ZBTB11: variants seen among roughly 807,000 people sequenced by gnomAD.
ZBTB11 encodes zinc finger and BTB domain-containing protein 11.
ZBTB11 carries 68 observed loss-of-function variants against 113.1 expected under a neutral mutation model. That is an observed-to-expected ratio of 0.60 (90% CI 0.49 to 0.74). The LOEUF (loss-of-function observed/expected upper bound fraction) is 0.74, where lower values mean the gene tolerates loss of function less well. Ranked by LOEUF, ZBTB11 falls within the 30% of genes least tolerant of loss-of-function variation. The pLI is 0.00. For missense variants in ZBTB11, 1,104 were observed against 1,279.4 expected, an observed-to-expected ratio of 0.86 and a Z score of 2.09; for synonymous variants, 518 against 452.6, an observed-to-expected ratio of 1.14 and a Z score of -1.83.
In ZBTB11 at chr3:101,660,002, A is replaced by G. The variant is rs993154489; in HGVS notation, c.1827T>C (p.Ser609=). 3.7e-6 allele frequency: 6 copies of G among 1,614,156 alleles called. No homozygotes were observed. Among genetic ancestry groups the G allele is most frequent in the Non-Finnish European group, 5.1e-6 (6 of 1,179,970 alleles). The change falls in exon 6 of 11, where the codon AGT becomes AGC. Residue 609 remains serine (S), a synonymous_variant. Transcript: ENST00000312938. ...CPLCKKQFQY[S]ASLRAHLIRH... The stretch of plus-strand genomic sequence containing the variant: ...GAATAAGATGTGCTCGCAAAGAGGC[A>G]CTGTACTGAAACTGTTTTTTACACA...
At chr3:101,671,426 TA>T (rs1937083518) in intron 2 of ZBTB11, 65 bp from the exon 3 acceptor site, 11 of 1,204,718 alleles carry the variant, frequency 9.1e-6, no homozygotes, top group Non-Finnish European at 1.2e-5. Context: ...TAACAAGCTT[TA>T]AAACAAGACA....
intron 3 of ZBTB11, among the ~76,000 whole-genome samples, chr3:101,669,334 T>C (rs1937048313): frequency 6.6e-6 from 1 of 152,250 alleles, no homozygotes; most frequent in South Asian, 2.1e-4. Flanking sequence ...CCTTATCTAC[T>C]TAATATTTAA....
intron 3 of ZBTB11, among the ~76,000 whole-genome samples, chr3:101,667,777 T>C (rs907110867): frequency 3.3e-5 from 5 of 152,062 alleles, no homozygotes; most frequent in Non-Finnish European, 7.4e-5. Flanking sequence ...AAATGTAAAT[T>C]AGTACACCAG....
Position 101,677,027 on chromosome 3 carries a change from C to T in ZBTB11, c.-113G>A, listed in dbSNP as rs773464606. The T allele has an allele frequency of 5.8e-5, 71 of 1,226,934 alleles. No individual in the cohort carries two copies. Among genetic ancestry groups the T allele is most frequent in the Non-Finnish European group, 7.4e-5 (67 of 910,206 alleles). 76.0% of individuals were successfully genotyped at this position (1,226,934 alleles called of 1,614,324 possible). A position where few individuals can be genotyped will look rare whatever the true frequency, so the allele number is the denominator to read the frequency against. On this transcript the variant is annotated 5_prime_UTR_variant, in exon 1 of 11. Transcript: ENST00000312938. The stretch of plus-strand genomic sequence containing the variant: ...GCACCGTAGGGAGAAACGGCTGCGC[C>T]TTTGGCGAGCGCTCTTCGACGGCTC...
At chr3:101,657,508 A>C (rs1348475320) in intron 6 of ZBTB11, among the ~76,000 whole-genome samples, 2 of 143,032 alleles carry the variant, frequency 1.4e-5, no homozygotes, top group African/African-American at 5.2e-5. Flanking sequence ...CCCTGCCTCC[A>C]AAAAAAAAAA....
chr3:101,672,099 T>C lies in ZBTB11; in HGVS notation c.425A>G (p.Asp142Gly). ...ATTACTTTCTTCTCCAGATTCAAGGTCTAGTCCCAATTCTTCCAACATTTC... is the reference window on the plus strand; with the variant it reads ...ATTACTTTCTTCTCCAGATTCAAGGCCTAGTCCCAATTCTTCCAACATTTC... Reference protein sequence around the residue: ...VSEMLEELGLDLESGEESNES... With the variant: ...VSEMLEELGLGLESGEESNES... The change falls in exon 2 of 11, where the codon GAC becomes GGC. Residue 142 changes from aspartate (D) to glycine (G), a missense_variant. Physicochemically the swap from Asp to Gly is moderately conservative, Grantham distance 94. Transcript: ENST00000312938. The C allele has an allele frequency of 6.2e-7, 1 of 1,614,186 alleles. No individual in the cohort carries two copies. The highest frequency in any genetic ancestry group is 8.5e-7 in the Non-Finnish European group (1 of 1,180,016).
intron 6 of ZBTB11, among the ~76,000 whole-genome samples, chr3:101,658,227 A>G (rs867488317): frequency 2.1e-5 from 3 of 143,402 alleles, no homozygotes; most frequent in African/African-American, 7.7e-5. Flanking sequence ...TTAAAAATTA[A>G]TTTTTTTTTT....
chr3:101,668,889 G>GTT (rs1048151959), intron 3 of ZBTB11, among the ~76,000 whole-genome samples: 9 of 146,118 alleles, frequency 6.2e-5, no homozygotes, highest in African/African-American at 2.3e-4. Context: ...GGCAAATTTT[G>GTT]TTTTTTTTTT....
In ZBTB11 at chr3:101,650,848, C is replaced by T. The variant is rs1375783595; in HGVS notation, c.*318G>A. The T allele has an allele frequency of 2.2e-5, 4 of 181,866 alleles. No homozygotes were observed. Among genetic ancestry groups the T allele is most frequent in the Non-Finnish European group, 3.4e-5 (3 of 88,338 alleles). 11.3% of individuals were successfully genotyped at this position (181,866 alleles called of 1,614,324 possible). On this transcript the variant is annotated 3_prime_UTR_variant, in exon 11 of 11. Transcript: ENST00000312938. ...ATGTCAAAATGCAAATGAAACTGTA[C>T]GGTTTTAAATTCAGTACAGTCATTT... is the stretch of plus-strand genomic sequence containing the variant.
At chr3:101,662,205 T>TCTCG (rs1158943310) in intron 5 of ZBTB11, 1 of 151,558 alleles carries the variant, frequency 6.6e-6, no homozygotes, top group Non-Finnish European at 1.5e-5. Flanking sequence ...AGAGACAGGG[T>TCTCG]CTCGCTATAT....
chr3:101,667,634 A>C (rs759752884), intron 3 of ZBTB11, among the ~76,000 whole-genome samples: 41 of 152,182 alleles, frequency 2.7e-4, no homozygotes, highest in Non-Finnish European at 1.0e-4. Context: ...ATTATGGTGA[A>C]TTCAGCCATT....
intron 3 of ZBTB11, 179 bp downstream of exon 3, chr3:101,670,951 T>C (rs1045191871): frequency 1.8e-6 from 1 of 560,170 alleles, no homozygotes; most frequent in Non-Finnish European, 3.2e-6. Flanking sequence ...AATGACACCC[T>C]TTTCCATAAC....
rs557133225 is a variant in ZBTB11, at chr3:101,655,465, T to C, written c.2191+639A>G. On this transcript the variant is annotated intron_variant, in intron 7 of 10. Coordinates refer to ENST00000312938, the MANE Select transcript of ZBTB11 (RefSeq NM_014415.4). ...TAAAACATCTAAAAATAAGTATGTA[T>C]GGACAAAAAAATATAAGCCAACTAC... Among the ~76,000 whole-genome samples the C allele has an allele frequency of 2.1e-4, 32 of 152,276 alleles. No homozygotes were observed. In the South Asian group the frequency reaches 5.2e-3, roughly 25 times the overall value.
intron 3 of ZBTB11, among the ~76,000 whole-genome samples, chr3:101,666,827 G>A (rs1302649497): frequency 1.3e-5 from 2 of 152,050 alleles, no homozygotes; most frequent in Admixed American, 1.3e-4. Flanking sequence ...TTGGCTCACT[G>A]CAACCTCCCA....
chr3:101,673,404 C>A (rs1559989031), intron 1 of ZBTB11, among the ~76,000 whole-genome samples: 1 of 151,992 alleles, frequency 6.6e-6, no homozygotes, highest in Non-Finnish European at 1.5e-5. Flanking sequence ...AAGTTACCCC[C>A]AAATCTTCAA....
rs537282252 is a variant in ZBTB11 at position 101,648,906 on chromosome 3, G to T, written c.*2260C>A. On this transcript the variant is annotated 3_prime_UTR_variant, in exon 11 of 11. Transcript: ENST00000312938. ...CTTGTCCAGCGTCCAGGAAGAATCA[G>T]GTCACATGGACAAATTGAAGGATGG... is the stretch of plus-strand genomic sequence containing the variant. 4 of 152,236 alleles carry T rather than the reference G, an allele frequency of 2.6e-5. No homozygotes were observed. The highest frequency in any genetic ancestry group is 5.9e-5 in the Non-Finnish European group (4 of 68,086). The allele number at this position is 152,236 out of a possible 1,614,324, so 9.4% of individuals were successfully genotyped here.
intron 3 of ZBTB11, chr3:101,670,912 A>G (rs1311109074): frequency 6.1e-6 from 3 of 488,232 alleles, no homozygotes; most frequent in Non-Finnish European, 1.1e-5. Flanking sequence ...TTCTGCTATA[A>G]TTGTCTCACT....
chr3:101,676,185 G>A (rs1223034965), intron 1 of ZBTB11, among the ~76,000 whole-genome samples: 2 of 146,246 alleles, frequency 1.4e-5, no homozygotes, highest in Non-Finnish European at 3.1e-5. Context: ...CCGGCTTCGG[G>A]TGACTCGTCC....
rs569403373 is a variant in ZBTB11 at position 101,655,639 on chromosome 3, C to T, written c.2191+465G>A. 3.3e-5 allele frequency among the ~76,000 whole-genome samples: 5 copies of T among 151,582 alleles called. No homozygotes were observed. The East Asian group carries it at 9.7e-4, about 29-fold the overall frequency. ...ATGAATATTCCATACACAAACATAG[C>T]TGTAAAACCAGATCTGAGAAAACGC... On this transcript the variant is annotated intron_variant, in intron 7 of 10. Coordinates refer to ENST00000312938, the MANE Select transcript of ZBTB11 (RefSeq NM_014415.4).
Sources: gnomAD v4.1 joint callset for allele counts (sites outside exome capture counted in the v4.1 genomes callset) on GRCh38, gnomAD v4.1.1 for gene constraint, MANE v1.5 for transcripts, NCBI Gene and HGNC (gene_info 2026-07-23, HGNC 2026-07-21) for gene names.